KCNH8: variants seen among roughly 807,000 people sequenced by gnomAD.
The protein encoded by KCNH8 is potassium voltage-gated channel subfamily H member 8.
KCNH8 carries 70 observed loss-of-function variants against 103.6 expected under a neutral mutation model. That is an observed-to-expected ratio of 0.68 (90% CI 0.56 to 0.82). The LOEUF (loss-of-function observed/expected upper bound fraction) is 0.82, where lower values mean the gene tolerates loss of function less well. Ranked by LOEUF, KCNH8 falls within the 40% of genes least tolerant of loss-of-function variation. The probability of loss-of-function intolerance (pLI) is 0.00; values close to 1 mark genes in which losing one functional copy is unlikely to be tolerated. For synonymous variants in KCNH8, 498 were observed against 489.4 expected, an observed-to-expected ratio of 1.02 and a Z score of -0.23; for missense variants, 1,217 against 1,329.9, an observed-to-expected ratio of 0.92 and a Z score of 1.32.
At chr3:19,384,415 A>C (rs2066328736) in intron 5 of KCNH8, among the ~76,000 whole-genome samples, 1 of 152,194 alleles carries the variant, frequency 6.6e-6, no homozygotes, top group African/African-American at 2.4e-5. Flanking sequence ...AAAAGCTGAA[A>C]GGTATAGCTA....
At chr3:19,170,613 T>TATATATATTTATAC in intron 1 of KCNH8, among the ~76,000 whole-genome samples, 1 of 143,214 alleles carries the variant, frequency 7.0e-6, no homozygotes, top group Admixed American at 6.9e-5. Flanking sequence ...TATATATGTA[T>TATATATATTTATAC]ACACACACAT....
chr3:19,519,449 C>T (rs929004806), intron 15 of KCNH8, among the ~76,000 whole-genome samples: 4 of 151,436 alleles, frequency 2.6e-5, no homozygotes, highest in South Asian at 2.1e-4. Flanking sequence ...TCTTCAGCTT[C>T]GTGGAGATTT....
intron 5 of KCNH8, among the ~76,000 whole-genome samples, chr3:19,381,169 T>C (rs1345754504): frequency 6.6e-6 from 1 of 152,122 alleles, no homozygotes; most frequent in Non-Finnish European, 1.5e-5. Context: ...GTGCTGGAAA[T>C]GTGGGAAAAC....
chr3:19,460,343 T>G (rs991059860), intron 11 of KCNH8, among the ~76,000 whole-genome samples: 1 of 152,156 alleles, frequency 6.6e-6, no homozygotes, highest in African/African-American at 2.4e-5. Flanking sequence ...CTGAAATCTC[T>G]ATCCTGTAAT....
rs1275909962 is a variant in KCNH8 at position 19,451,356 on chromosome 3, T to G, written c.1777T>G (p.Ser593Ala). Residue 593 changes from serine (S) to alanine (A), a missense_variant, in exon 10 of 16, where the codon TCG (serine) becomes GCG (alanine). Physicochemically the swap from Ser to Ala is moderately conservative, Grantham distance 99 (BLOSUM62 1). Coordinates refer to ENST00000328405, the MANE Select transcript of KCNH8 (RefSeq NM_144633.3). Reference protein sequence around the residue: ...DALQAIYFVCSGSMEVLKDSM... With the variant: ...DALQAIYFVCAGSMEVLKDSM... Reference sequence around the variant, plus strand: ...TTTGCAGGCCATCTACTTTGTATGCTCGGGCTCCATGGAAGTTCTTAAAGA... The same window carrying G: ...TTTGCAGGCCATCTACTTTGTATGCGCGGGCTCCATGGAAGTTCTTAAAGA... 3 of 1,613,828 alleles carry G rather than the reference T, an allele frequency of 1.9e-6. No individual in the cohort carries two copies. The highest frequency in any genetic ancestry group is 2.5e-6 in the Non-Finnish European group (3 of 1,179,806).
intron 7 of KCNH8, among the ~76,000 whole-genome samples, chr3:19,419,097 C>CT (rs1333142331): frequency 6.7e-6 from 1 of 149,678 alleles, no homozygotes; most frequent in Non-Finnish European, 1.5e-5. Flanking sequence ...TTTAATACCT[C>CT]TTCTCTCCTT....
intron 1 of KCNH8, among the ~76,000 whole-genome samples, chr3:19,185,610 TG>T (rs2063494275): frequency 6.6e-6 from 1 of 151,950 alleles, no homozygotes; most frequent in Non-Finnish European, 1.5e-5. Context: ...ATCTCTCACA[TG>T]ATATTACTTT....
At chr3:19,419,932 G>C (rs983926633) in intron 7 of KCNH8, among the ~76,000 whole-genome samples, 1 of 152,130 alleles carries the variant, frequency 6.6e-6, no homozygotes, top group African/African-American at 2.4e-5. Flanking sequence ...TGGCTTGACA[G>C]CTCTCAATGA....
chr3:19,158,763 C>G (rs1438347607), intron 1 of KCNH8, among the ~76,000 whole-genome samples: 2 of 151,794 alleles, frequency 1.3e-5, no homozygotes, highest in African/African-American at 4.8e-5. Context: ...TTTTAACCAG[C>G]CAGCTTACTG....
chr3:19,517,179 T>C (rs1055661301), intron 14 of KCNH8, among the ~76,000 whole-genome samples: 2 of 152,040 alleles, frequency 1.3e-5, no homozygotes, highest in African/African-American at 2.4e-5. Flanking sequence ...ATTTTCTTTA[T>C]TGGTTGCTAT....
intron 11 of KCNH8, among the ~76,000 whole-genome samples, chr3:19,508,279 T>C (rs1438703987): frequency 6.6e-6 from 1 of 152,100 alleles, no homozygotes; most frequent in Non-Finnish European, 1.5e-5. Context: ...GTACATTTGG[T>C]AAAAGATGAG....
intron 2 of KCNH8, among the ~76,000 whole-genome samples, chr3:19,260,314 A>G (rs545162522): frequency 1.1e-4 from 16 of 151,152 alleles, no homozygotes; most frequent in Non-Finnish European, 1.9e-4. Context: ...TGTCTGAATC[A>G]GGTATATTCA....
intron 7 of KCNH8, among the ~76,000 whole-genome samples, chr3:19,429,275 G>C (rs1023239197): frequency 6.8e-6 from 1 of 147,618 alleles, no homozygotes; most frequent in East Asian, 2.1e-4. Flanking sequence ...CCGGGTTCAC[G>C]GCATTCTCCT....
Position 19,484,919 on chromosome 3 carries a change from A to G in KCNH8, c.2041-25444A>G, listed in dbSNP as rs1040473757. On this transcript the variant is annotated intron_variant, in intron 11 of 15. Coordinates refer to ENST00000328405, the MANE Select transcript of KCNH8 (RefSeq NM_144633.3). ...GAGGAGGCCTATGATACAGTATTTC[A>G]TAAGGGGAGTATTCTGTTTTCTTAG... Among the ~76,000 whole-genome samples, 4 of 152,200 alleles carry G rather than the reference A, an allele frequency of 2.6e-5. No individual in the cohort carries two copies. The East Asian group carries it at 7.7e-4, about 29-fold the overall frequency.
At chr3:19,335,483 GTATATA>G (rs3067331) in intron 3 of KCNH8, among the ~76,000 whole-genome samples, 67,714 of 141,250 alleles carry the variant, frequency 0.48, 17,324 homozygotes, top group African/African-American at 0.7. Context: ...ATATGTGTGT[GTATATA>G]TATATATATA....
chr3:19,360,113 T>G (rs1341500074), intron 5 of KCNH8, among the ~76,000 whole-genome samples: 1 of 152,040 alleles, frequency 6.6e-6, no homozygotes, highest in Non-Finnish European at 1.5e-5. Context: ...ATACCCTAGA[T>G]AGCAAATGAA....
At chr3:19,153,519 C>T (rs977732219) in intron 1 of KCNH8, among the ~76,000 whole-genome samples, 9 of 152,084 alleles carry the variant, frequency 5.9e-5, no homozygotes, top group African/African-American at 2.2e-4. Flanking sequence ...CTGAGATATC[C>T]TAGACTCAAC....
At chr3:19,318,328 A>C (rs1163139507) in intron 3 of KCNH8, among the ~76,000 whole-genome samples, 1 of 151,728 alleles carries the variant, frequency 6.6e-6, no homozygotes, top group East Asian at 1.9e-4. Flanking sequence ...GTTTGGTTAC[A>C]TAAATAAGTT....
chr3:19,450,921 T>G, intron 9 of KCNH8: 1 of 508,530 alleles, frequency 2.0e-6, no homozygotes, highest in Non-Finnish European at 3.5e-6. Flanking sequence ...TGCTAGAGGC[T>G]TTTTTAATTT....
Sources: gnomAD v4.1 joint callset for allele counts (sites outside exome capture counted in the v4.1 genomes callset) on GRCh38, gnomAD v4.1.1 for gene constraint, MANE v1.5 for transcripts, NCBI Gene and HGNC (gene_info 2026-07-23, HGNC 2026-07-21) for gene names.